Variants in CACNA1C observed in about 807,000 individuals in gnomAD.
CACNA1C encodes the protein voltage-dependent L-type calcium channel subunit alpha-1C.
CACNA1C carries 30 observed loss-of-function variants against 229.0 expected under a neutral mutation model. That is an observed-to-expected ratio of 0.13 (90% CI 0.10 to 0.18). CACNA1C has a LOEUF of 0.18. CACNA1C is among the 10% of genes least tolerant of loss of function. CACNA1C has a pLI of 1.00. For missense variants in CACNA1C, 1,658 were observed against 2,845.0 expected (o/e 0.58, Z 9.49); for synonymous variants, 1,114 against 1,132.5 (o/e 0.98, Z 0.33).
chr12:2,135,795 C>G lies in CACNA1C; in HGVS notation c.477+15365C>G, dbSNP rs533269517. On this transcript the variant is annotated intron_variant, in intron 3 of 46. Coordinates refer to ENST00000399655, the MANE Select transcript of CACNA1C (RefSeq NM_000719.7). ...GCCCTGCCCCCAGAGGTGGAGCCTA[C>G]AGAGGCAGGCAGGCCTCCTTGAGCT... is the stretch of plus-strand genomic sequence containing the variant. 1.4e-5 allele frequency among the ~76,000 whole-genome samples: 2 copies of G among 146,652 alleles called. 1 individual carries two copies. Among genetic ancestry groups the G allele is most frequent in the African/African-American group, 5.3e-5 (2 of 37,422 alleles).
chr12:2,635,350 G>A (rs1358562409), intron 30 of CACNA1C, among the ~76,000 whole-genome samples: 2 of 152,178 alleles, frequency 1.3e-5, no homozygotes, highest in African/African-American at 4.8e-5. Context: ...CTATAGGCAA[G>A]CCTTCTTGCG....
At chr12:2,439,922 C>T (rs911420452) in intron 3 of CACNA1C, among the ~76,000 whole-genome samples, 15 of 152,050 alleles carry the variant, frequency 9.9e-5, no homozygotes, top group South Asian at 4.2e-4. Flanking sequence ...GAGCAGCAGG[C>T]ACCTTCTAGC....
At chr12:2,577,954 C>T (rs973725160) in intron 13 of CACNA1C, among the ~76,000 whole-genome samples, 20 of 151,370 alleles carry the variant, frequency 1.3e-4, no homozygotes, top group Admixed American at 5.2e-4. Flanking sequence ...CTGCAAGCTC[C>T]GCCTCCCGGG....
At chr12:2,343,436 C>T (rs1202621376) in intron 3 of CACNA1C, among the ~76,000 whole-genome samples, 5 of 152,158 alleles carry the variant, frequency 3.3e-5, no homozygotes, top group Non-Finnish European at 7.3e-5. Context: ...CAGAACAAAA[C>T]CAAACACAAG....
At chr12:2,440,552 A>T (rs774417128) in intron 3 of CACNA1C, among the ~76,000 whole-genome samples, 1 of 152,150 alleles carries the variant, frequency 6.6e-6, no homozygotes, top group Non-Finnish European at 1.5e-5. Context: ...CAGGAGGAGG[A>T]GGCCTTCAGT....
At chr12:2,033,078 G>A (rs925788102) in intron 1 of CACNA1C, among the ~76,000 whole-genome samples, 1 of 152,202 alleles carries the variant, frequency 6.6e-6, no homozygotes, top group Non-Finnish European at 1.5e-5. Flanking sequence ...GGCAGTGCCT[G>A]GTTAGGTGCA....
At chr12:1,987,581 T>A (rs1419352216) in intron 1 of CACNA1C, among the ~76,000 whole-genome samples, 1 of 152,168 alleles carries the variant, frequency 6.6e-6, no homozygotes, top group Admixed American at 6.5e-5. Flanking sequence ...CTTTCTGCTC[T>A]CCATTTATTT....
intron 1 of CACNA1C, among the ~76,000 whole-genome samples, chr12:2,021,405 A>C (rs1490724350): frequency 6.6e-6 from 1 of 152,124 alleles, no homozygotes; most frequent in Non-Finnish European, 1.5e-5. Context: ...TTTGCCGGGC[A>C]CTATGGCTCA....
chr12:2,110,599 T>C (rs2081277128), intron 1 of CACNA1C, among the ~76,000 whole-genome samples: 1 of 152,218 alleles, frequency 6.6e-6, no homozygotes, highest in Non-Finnish European at 1.5e-5. Flanking sequence ...CTGCCTGCCC[T>C]ACCTTCATGG....
chr12:2,565,118 T>G (rs1292464098), intron 11 of CACNA1C, among the ~76,000 whole-genome samples: 1 of 152,238 alleles, frequency 6.6e-6, no homozygotes, highest in Non-Finnish European at 1.5e-5. Flanking sequence ...TAGGATCATC[T>G]TAGCCACTGG....
At chr12:2,201,130 T>G (rs1471039228) in intron 3 of CACNA1C, among the ~76,000 whole-genome samples, 1 of 152,196 alleles carries the variant, frequency 6.6e-6, no homozygotes, top group East Asian at 1.9e-4. Context: ...CCTCCTCCCC[T>G]TTCCCAGAAT....
At chr12:2,019,401 A>G (rs1025832922) in intron 1 of CACNA1C, among the ~76,000 whole-genome samples, 3 of 149,524 alleles carry the variant, frequency 2.0e-5, no homozygotes, top group African/African-American at 7.3e-5. Context: ...GCAAGGCTGC[A>G]GTGAGCAATG....
intron 3 of CACNA1C, among the ~76,000 whole-genome samples, chr12:2,429,504 C>T (rs182746587): frequency 1.7e-3 from 257 of 152,254 alleles, no homozygotes; most frequent in African/African-American, 5.8e-3. Context: ...CAGTCTCCAC[C>T]GTAGTCCAGT....
chr12:2,640,988 T>C (rs1405676607), intron 30 of CACNA1C, among the ~76,000 whole-genome samples: 4 of 152,184 alleles, frequency 2.6e-5, no homozygotes, highest in Admixed American at 2.0e-4. Context: ...GGCCTGGCTG[T>C]CTCTGTCTGC....
intron 10 of CACNA1C, among the ~76,000 whole-genome samples, chr12:2,552,807 C>T (rs1247782777): frequency 6.6e-6 from 1 of 152,036 alleles, no homozygotes; most frequent in Non-Finnish European, 1.5e-5. Context: ...ACAGAGTGCT[C>T]ACTCAGGCAG....
At chr12:2,538,581 A>G (rs917672659) in intron 9 of CACNA1C, among the ~76,000 whole-genome samples, 3 of 152,102 alleles carry the variant, frequency 2.0e-5, no homozygotes, top group African/African-American at 7.2e-5. Context: ...CATGTAAGAG[A>G]CCAGAGTTGT....
At chr12:1,982,916 A>AG (rs1435588869) in intron 1 of CACNA1C, among the ~76,000 whole-genome samples, 16 of 152,010 alleles carry the variant, frequency 1.1e-4, no homozygotes, top group Non-Finnish European at 1.5e-4. Context: ...CTGAACTTGG[A>AG]GTTTTGTTAG....
intron 3 of CACNA1C, among the ~76,000 whole-genome samples, chr12:2,211,875 C>T (rs868848288): frequency 3.3e-5 from 5 of 152,030 alleles, no homozygotes; most frequent in African/African-American, 1.2e-4. Context: ...CCCACCACCA[C>T]TCCCGGCTAA....
chr12:2,324,879 G>A (rs551030886), intron 3 of CACNA1C, among the ~76,000 whole-genome samples: 25 of 152,268 alleles, frequency 1.6e-4, no homozygotes, highest in Admixed American at 1.0e-3. Flanking sequence ...TACCTACTAC[G>A]TGCCAGGGAC....
Sources: gnomAD v4.1 joint callset for allele counts (sites outside exome capture counted in the v4.1 genomes callset) on GRCh38, gnomAD v4.1.1 for gene constraint, MANE v1.5 for transcripts, NCBI Gene and HGNC (gene_info 2026-07-23, HGNC 2026-07-21) for gene names.